The following LINGO2 variants were observed in gnomAD, a reference collection of about 807,000 sequenced individuals.
The protein encoded by LINGO2 is leucine-rich repeat and immunoglobulin-like domain-containing nogo receptor-interacting protein 2.
In LINGO2, 14 loss-of-function variants were observed where a neutral mutation model predicts 30.6. The ratio of observed to expected loss-of-function variants is 0.46; its 90% CI spans 0.30 to 0.72. The LOEUF is 0.72. LINGO2 is among the 30% of genes least tolerant of loss of function. The pLI is 0.07. For synonymous variants in LINGO2, 317 were observed against 288.5 expected, an observed-to-expected ratio of 1.10 and a Z score of -1.00; for missense variants, 729 against 751.7, an observed-to-expected ratio of 0.97 and a Z score of 0.35.
intron 1 of LINGO2, among the ~76,000 whole-genome samples, chr9:28,515,624 G>T (rs1054720403): frequency 4.3e-4 from 65 of 152,318 alleles, no homozygotes; most frequent in African/African-American, 1.5e-3. Flanking sequence ...ATGTGACTGA[G>T]TTGATGCTAT....
At chr9:28,301,746 C>A (rs949765719) in intron 3 of LINGO2, among the ~76,000 whole-genome samples, 2 of 152,104 alleles carry the variant, frequency 1.3e-5, no homozygotes, top group African/African-American at 4.8e-5. Flanking sequence ...CAATTCTACA[C>A]AAGAAGATCA....
At chr9:28,601,067 C>A (rs1201991172) in intron 1 of LINGO2, among the ~76,000 whole-genome samples, 1 of 152,024 alleles carries the variant, frequency 6.6e-6, no homozygotes, top group African/African-American at 2.4e-5. Flanking sequence ...AAGAAAATCA[C>A]ATAAAGTTTT....
chr9:28,430,107 C>CGTGTGTGTGTGTGT (rs112852261), intron 2 of LINGO2, among the ~76,000 whole-genome samples: 38 of 18,224 alleles, frequency 2.1e-3, no homozygotes, highest in African/African-American at 3.6e-3. Flanking sequence ...CGCGCGCGCG[C>CGTGTGTGTGTGTGT]GCGTGTGTGT....
chr9:28,109,595 C>G (rs556871387), intron 4 of LINGO2, among the ~76,000 whole-genome samples: 1 of 152,066 alleles, frequency 6.6e-6, no homozygotes, highest in Non-Finnish European at 1.5e-5. Context: ...TTCCTATACA[C>G]CAACAATGGA....
chr9:29,165,559 T>A, the LINGO2 span, among the ~76,000 whole-genome samples: 1 of 152,062 alleles, frequency 6.6e-6, no homozygotes, highest in Non-Finnish European at 1.5e-5. Context: ...CTATAATTGA[T>A]TTTCTCTAAA....
intron 4 of LINGO2, among the ~76,000 whole-genome samples, chr9:28,136,744 G>A (rs1258690896): frequency 6.6e-6 from 1 of 152,076 alleles, no homozygotes; most frequent in African/African-American, 2.4e-5. Context: ...TGTGTCAACT[G>A]GACTGGGCCA....
intron 1 of LINGO2, among the ~76,000 whole-genome samples, chr9:28,617,230 A>G: frequency 6.6e-6 from 1 of 152,062 alleles, no homozygotes. Context: ...AAAAGACTCT[A>G]TCTATCTGTC....
intron 4 of LINGO2, among the ~76,000 whole-genome samples, chr9:28,281,795 T>C (rs1823336182): frequency 6.6e-6 from 1 of 151,890 alleles, no homozygotes; most frequent in South Asian, 2.1e-4. Context: ...TCTGGCATTA[T>C]GTGATTCTGA....
chr9:29,207,421 T>C, the LINGO2 span, among the ~76,000 whole-genome samples: 1 of 152,028 alleles, frequency 6.6e-6, no homozygotes, highest in African/African-American at 2.4e-5. Flanking sequence ...TAGAATGAGA[T>C]TGTCTGAAGA....
At chr9:29,190,059 G>A in the LINGO2 span, among the ~76,000 whole-genome samples, 3 of 135,282 alleles carry the variant, frequency 2.2e-5, no homozygotes, top group South Asian at 8.0e-4. Context: ...GAGGGGGAGG[G>A]GGAGGGGGAG....
chr9:28,557,192 C>T (rs1009104334), intron 1 of LINGO2, among the ~76,000 whole-genome samples: 2 of 151,956 alleles, frequency 1.3e-5, no homozygotes, highest in African/African-American at 2.4e-5. Flanking sequence ...AAGAAATTAC[C>T]ATCAGAGTGA....
the LINGO2 span, among the ~76,000 whole-genome samples, chr9:28,980,159 C>G: frequency 2.6e-5 from 4 of 151,882 alleles, no homozygotes; most frequent in Non-Finnish European, 4.4e-5. Flanking sequence ...ACTGTAGATC[C>G]AAACCATCAC....
At chr9:28,124,307 A>C (rs1587035400) in intron 4 of LINGO2, among the ~76,000 whole-genome samples, 1 of 152,232 alleles carries the variant, frequency 6.6e-6, no homozygotes, top group Admixed American at 6.5e-5. Context: ...TCATGCACTT[A>C]AGTTTAGGAA....
At chr9:28,471,993 A>C (rs1825538519) in intron 2 of LINGO2, among the ~76,000 whole-genome samples, 1 of 152,184 alleles carries the variant, frequency 6.6e-6, no homozygotes, top group African/African-American at 2.4e-5. Flanking sequence ...ACTCAAAAGC[A>C]GGCTAAATAA....
intron 1 of LINGO2, among the ~76,000 whole-genome samples, chr9:28,536,164 T>C (rs1241735439): frequency 3.9e-5 from 6 of 152,102 alleles, no homozygotes; most frequent in Non-Finnish European, 8.8e-5. Flanking sequence ...AGATACACAT[T>C]GCCAATAAAA....
intron 1 of LINGO2, among the ~76,000 whole-genome samples, chr9:28,643,493 A>G (rs1342075653): frequency 6.6e-6 from 1 of 152,116 alleles, no homozygotes; most frequent in African/African-American, 2.4e-5. Flanking sequence ...CATATGCAGA[A>G]TAAAAGTAGA....
At chr9:28,439,804 C>A (rs1191029960) in intron 2 of LINGO2, among the ~76,000 whole-genome samples, 2 of 152,178 alleles carry the variant, frequency 1.3e-5, no homozygotes, top group East Asian at 3.9e-4. Flanking sequence ...ATTAATACAC[C>A]GTGAAACTAG....
At chr9:28,524,980 A>G (rs1276751869) in intron 1 of LINGO2, among the ~76,000 whole-genome samples, 1 of 152,210 alleles carries the variant, frequency 6.6e-6, no homozygotes, top group Admixed American at 6.5e-5. Context: ...CAAAACTTCA[A>G]TGACACACTA....
At chr9:28,934,392 C>A in the LINGO2 span, among the ~76,000 whole-genome samples, 1 of 152,272 alleles carries the variant, frequency 6.6e-6, no homozygotes, top group East Asian at 1.9e-4. Flanking sequence ...GAGGGTCCAT[C>A]AGATAATGCC....
Sources: allele counts gnomAD v4.1 joint callset (sites outside exome capture counted in the v4.1 genomes callset), GRCh38; gene constraint gnomAD v4.1.1; transcripts MANE v1.5; gene names NCBI Gene and HGNC (gene_info 2026-07-23, HGNC 2026-07-21).